Variants in RAPGEF2 observed in about 807,000 individuals in gnomAD.
RAPGEF2 encodes Rap guanine nucleotide exchange factor 2, also known as PDZ domain containing guanine nucleotide exchange factor (GEF) 1.
RAPGEF2 carries 54 observed loss-of-function variants against 186.7 expected under a neutral mutation model. That is an observed-to-expected ratio of 0.29 (90% CI 0.23 to 0.36). The LOEUF is 0.36. RAPGEF2 is among the 10% of genes least tolerant of loss of function. The pLI is 1.00. For missense variants in RAPGEF2, 1,532 were observed against 2,045.0 expected, an observed-to-expected ratio of 0.75 and a Z score of 4.84; for synonymous variants, 712 against 705.9, an observed-to-expected ratio of 1.01 and a Z score of -0.14.
At chr4:159,339,944 T>C (rs1167543587) in intron 19 of RAPGEF2, among the ~76,000 whole-genome samples, 7 of 152,218 alleles carry the variant, frequency 4.6e-5, no homozygotes, top group Non-Finnish European at 1.0e-4. Context: ...GCAGAAGTGC[T>C]TATATCACAC....
At chr4:159,333,682 A>T (rs1036867346) in intron 17 of RAPGEF2, among the ~76,000 whole-genome samples, 3 of 152,198 alleles carry the variant, frequency 2.0e-5, no homozygotes, top group Admixed American at 2.0e-4. Context: ...TTGCTTCTTC[A>T]TTTTAGTTCC....
intron 13 of RAPGEF2, among the ~76,000 whole-genome samples, chr4:159,331,118 A>C (rs3805140): frequency 6.6e-6 from 1 of 152,022 alleles, no homozygotes; most frequent in African/African-American, 2.4e-5. Context: ...GTATTAGCTG[A>C]TTTTTGTTTT....
At chr4:159,332,331 G>T in intron 16 of RAPGEF2, 120 bp from the exon 17 acceptor site, 2 of 1,044,336 alleles carry the variant, frequency 1.9e-6, no homozygotes, top group Non-Finnish European at 2.8e-6. Context: ...CTGCAGGTTT[G>T]CAGTTTTGAT....
chr4:159,153,498 A>G (rs1031733513), intron 1 of RAPGEF2, among the ~76,000 whole-genome samples: 1 of 152,242 alleles, frequency 6.6e-6, no homozygotes, highest in Admixed American at 6.5e-5. Context: ...TGGGGATCCA[A>G]AATCATTATT....
At chr4:159,153,054 C>T (rs900969569) in intron 1 of RAPGEF2, among the ~76,000 whole-genome samples, 3 of 152,148 alleles carry the variant, frequency 2.0e-5, no homozygotes, top group Non-Finnish European at 2.9e-5. Context: ...ATTGTTTATA[C>T]ACTTTTTTAT....
At chr4:159,266,221 G>A (rs113086972) in intron 7 of RAPGEF2, among the ~76,000 whole-genome samples, 92 of 152,226 alleles carry the variant, frequency 6.0e-4, no homozygotes, top group East Asian at 2.1e-3. Context: ...ATCCAAAAGA[G>A]TGATGTGGTG....
chr4:159,347,005 G>T lies in RAPGEF2; in HGVS notation c.3712+7G>T. ...AAGGATCTCCCACCTTTTGGTAAGT[G>T]ATTACATTCATTTCTTTTTTTGGTG... On this transcript the variant is annotated splice_region_variant and intron_variant, in intron 25 of 29. Coordinates refer to ENST00000691494, the MANE Select transcript of RAPGEF2 (RefSeq NM_001394067.2). 2 of 1,604,820 alleles carry T rather than the reference G, an allele frequency of 1.2e-6. No homozygotes were observed. Among genetic ancestry groups the T allele is most frequent in the South Asian group, 1.1e-5 (1 of 90,462 alleles).
chr4:159,166,467 A>C (rs192347300), intron 1 of RAPGEF2, among the ~76,000 whole-genome samples: 5 of 152,304 alleles, frequency 3.3e-5, no homozygotes, highest in Admixed American at 2.6e-4. Context: ...ATAAGTATTG[A>C]TCAGACATGC....
At position 159,282,569 on chromosome 4, in the gene RAPGEF2, C is replaced by T. The variant is rs749587273; in HGVS notation, c.544-21773C>T. 3.5e-5 allele frequency: 15 copies of T among 433,074 alleles called. 1 individual carries two copies. The highest frequency in any genetic ancestry group is 1.3e-4 in the Admixed American group (5 of 37,164). The allele number at this position is 433,074 out of a possible 1,614,324, so 26.8% of individuals were successfully genotyped here. A position where few individuals can be genotyped will look rare whatever the true frequency, so the allele number is the denominator to read the frequency against. On this transcript the variant is annotated intron_variant, in intron 7 of 29. Coordinates refer to ENST00000691494, the MANE Select transcript of RAPGEF2 (RefSeq NM_001394067.2). ...TATGTGGATACAAATTCTATGCTTT[C>T]GGCTTTTATACACCAAGTCTTAATT...
At chr4:159,105,187 A>C (rs1029257151) in intron 1 of RAPGEF2, among the ~76,000 whole-genome samples, 5 of 152,204 alleles carry the variant, frequency 3.3e-5, no homozygotes, top group African/African-American at 1.2e-4. Context: ...AATGACGCAT[A>C]TTCCTAAGCG....
chr4:159,219,892 A>G (rs1314488509), intron 4 of RAPGEF2, among the ~76,000 whole-genome samples: 1 of 152,198 alleles, frequency 6.6e-6, no homozygotes, highest in Non-Finnish European at 1.5e-5. Flanking sequence ...TTGTCCTACA[A>G]ATATTATTGA....
intron 1 of RAPGEF2, among the ~76,000 whole-genome samples, chr4:159,181,414 T>C (rs1205707991): frequency 6.6e-6 from 1 of 152,188 alleles, no homozygotes; most frequent in African/African-American, 2.4e-5. Flanking sequence ...ATTTGCTTGA[T>C]GGTTAAATGA....
chr4:159,185,502 A>G (rs1747464974), intron 1 of RAPGEF2, among the ~76,000 whole-genome samples: 1 of 152,236 alleles, frequency 6.6e-6, no homozygotes, highest in African/African-American at 2.4e-5. Context: ...GAAAGTACTG[A>G]TACATGCTAA....
At chr4:159,169,590 CT>C (rs769414884) in intron 1 of RAPGEF2, among the ~76,000 whole-genome samples, 81 of 152,076 alleles carry the variant, frequency 5.3e-4, no homozygotes, top group Non-Finnish European at 9.4e-4. Context: ...ACAGCCCCCC[CT>C]CCCCAGCCCC....
In RAPGEF2 at chr4:159,103,160, A is replaced by G. The variant is rs1018484781; in HGVS notation, c.-1003A>G. ...GGAGGGGAATCGCCGCTTCCCAAAC[A>G]CTCTCTCCGAGGGGGCTGTGCGCGG... On this transcript the variant is annotated 5_prime_UTR_variant, in exon 1 of 30. Coordinates refer to ENST00000691494, the MANE Select transcript of RAPGEF2 (RefSeq NM_001394067.2). The G allele has an allele frequency of 6.6e-6, 1 of 150,690 alleles. No individual in the cohort carries two copies. Among genetic ancestry groups the G allele is most frequent in the Non-Finnish European group, 1.5e-5 (1 of 67,690 alleles). The allele number at this position is 150,690 out of a possible 1,614,324, so 9.3% of individuals were successfully genotyped here. A position where few individuals can be genotyped will look rare whatever the true frequency, so the allele number is the denominator to read the frequency against.
intron 1 of RAPGEF2, among the ~76,000 whole-genome samples, chr4:159,158,560 T>C (rs1744363554): frequency 6.6e-6 from 1 of 152,200 alleles, no homozygotes; most frequent in Admixed American, 6.5e-5. Context: ...AGTTCCTTTA[T>C]TGAACATTTT....
chr4:159,260,540 A>C (rs1246177439), intron 7 of RAPGEF2, among the ~76,000 whole-genome samples: 2 of 152,096 alleles, frequency 1.3e-5, no homozygotes, highest in Non-Finnish European at 2.9e-5. Context: ...GGATTTAAGA[A>C]TCTTCTGGCT....
At chr4:159,252,487 A>T (rs1000442435) in intron 7 of RAPGEF2, among the ~76,000 whole-genome samples, 1 of 152,230 alleles carries the variant, frequency 6.6e-6, no homozygotes, top group Non-Finnish European at 1.5e-5. Flanking sequence ...ACCAACTGGG[A>T]TGTAGAGAAT....
intron 1 of RAPGEF2, among the ~76,000 whole-genome samples, chr4:159,168,041 A>G (rs1745510456): frequency 6.6e-6 from 1 of 152,218 alleles, no homozygotes; most frequent in Non-Finnish European, 1.5e-5. Context: ...AAATTTTGTC[A>G]TGTTGTCCAG....
Sources: gnomAD v4.1 joint callset for allele counts (sites outside exome capture counted in the v4.1 genomes callset) on GRCh38, gnomAD v4.1.1 for gene constraint, MANE v1.5 for transcripts, NCBI Gene and HGNC (gene_info 2026-07-23, HGNC 2026-07-21) for gene names.